The following SH3PXD2A variants were observed in gnomAD, a reference collection of about 807,000 sequenced individuals.
The protein encoded by SH3PXD2A is SH3 and PX domains 2A.
In SH3PXD2A, 32 loss-of-function variants were observed where a neutral mutation model predicts 115.2. The observed-to-expected ratio is 0.28, with a 90% CI of 0.21 to 0.37. SH3PXD2A has a LOEUF of 0.37. Among genes scored for constraint, SH3PXD2A ranks in the 10% least tolerant of loss-of-function variants. The pLI is 1.00. For synonymous variants in SH3PXD2A, 610 were observed against 629.1 expected (o/e 0.97, Z 0.45); for missense variants, 1,328 against 1,498.7 (o/e 0.89, Z 1.88).
chr10:103,837,956 C>G (rs776995089), intron 1 of SH3PXD2A, among the ~76,000 whole-genome samples: 2 of 152,222 alleles, frequency 1.3e-5, no homozygotes, highest in African/African-American at 4.8e-5. Context: ...GCTGTTTGAA[C>G]AGCCACCGTG....
chr10:103,720,724 TG>T (rs1163739274), intron 5 of SH3PXD2A, among the ~76,000 whole-genome samples: 2 of 152,208 alleles, frequency 1.3e-5, no homozygotes, highest in Non-Finnish European at 2.9e-5. Flanking sequence ...CACAGTCGCC[TG>T]GAAAGGTCCA....
chr10:103,596,148 C>T lies in SH3PXD2A; in HGVS notation c.*5668G>A, dbSNP rs1178302025. 1.3e-5 allele frequency: 2 copies of T among 152,164 alleles called. No homozygotes were observed. Among genetic ancestry groups the T allele is most frequent in the African/African-American group, 2.4e-5 (1 of 41,404 alleles). 9.4% of individuals were successfully genotyped at this position (152,164 alleles called of 1,614,324 possible). ...GGTGCACCGTGAGCAAGTTCTCACC[C>T]CAACCACCTGACCCACCCTCTGAAA... On this transcript the variant is annotated 3_prime_UTR_variant, in exon 15 of 15. Coordinates refer to ENST00000369774, the MANE Select transcript of SH3PXD2A (RefSeq NM_001394015.1).
Position 103,760,683 on chromosome 10 carries a change from C to CT in SH3PXD2A, c.229+6410dup, listed in dbSNP as rs946465729. ...ATATGTAACGAGGGAAAGATGAATA[C>CT]TTTTTTTTTAATCAAAAGAGAGCTG... On this transcript the variant is annotated intron_variant, in intron 3 of 14. Transcript: ENST00000369774. Among the ~76,000 whole-genome samples, 12 of 150,170 alleles carry CT rather than the reference C, an allele frequency of 8.0e-5. No homozygotes were observed. In the South Asian group the frequency reaches 8.4e-4, roughly 11 times the overall value.
chr10:103,663,503 C>G (rs1456962148), intron 7 of SH3PXD2A, among the ~76,000 whole-genome samples: 4 of 152,242 alleles, frequency 2.6e-5, no homozygotes, highest in African/African-American at 9.6e-5. Context: ...TCTTCTAGCA[C>G]AGTAATCCTC....
chr10:103,658,712 A>G (rs1415870376), intron 8 of SH3PXD2A, among the ~76,000 whole-genome samples: 1 of 152,200 alleles, frequency 6.6e-6, no homozygotes, highest in Non-Finnish European at 1.5e-5. Context: ...TAAAGATACG[A>G]AACTCCCAGA....
chr10:103,679,818 G>A (rs1272062037), intron 6 of SH3PXD2A, among the ~76,000 whole-genome samples: 2 of 152,150 alleles, frequency 1.3e-5, no homozygotes, highest in African/African-American at 4.8e-5. Context: ...TGACCCTCCA[G>A]CTGGGAAGTT....
intron 5 of SH3PXD2A, among the ~76,000 whole-genome samples, chr10:103,696,142 G>C (rs1371174857): frequency 6.6e-6 from 1 of 152,240 alleles, no homozygotes; most frequent in Non-Finnish European, 1.5e-5. Context: ...GGTCCTGGCA[G>C]TGGGGGTCAC....
chr10:103,641,626 T>C (rs2036956787), intron 8 of SH3PXD2A, among the ~76,000 whole-genome samples: 1 of 152,170 alleles, frequency 6.6e-6, no homozygotes, highest in Non-Finnish European at 1.5e-5. Context: ...CAAATTCCCA[T>C]CTGACAGATG....
At chr10:103,659,251 G>T (rs2037256134) in intron 8 of SH3PXD2A, among the ~76,000 whole-genome samples, 1 of 152,164 alleles carries the variant, frequency 6.6e-6, no homozygotes, top group Non-Finnish European at 1.5e-5. Flanking sequence ...CTGGCCAGTG[G>T]CTGGCAGCCC....
At chr10:103,832,974 T>A (rs1262685029) in intron 1 of SH3PXD2A, among the ~76,000 whole-genome samples, 1 of 152,214 alleles carries the variant, frequency 6.6e-6, no homozygotes, top group Non-Finnish European at 1.5e-5. Context: ...CACATTGTTT[T>A]CCAAAGTGGT....
intron 3 of SH3PXD2A, among the ~76,000 whole-genome samples, chr10:103,740,886 G>A (rs1223562967): frequency 6.6e-6 from 1 of 152,170 alleles, no homozygotes; most frequent in African/African-American, 2.4e-5. Context: ...GCTGGGCTCT[G>A]TTCCAGGCGC....
intron 6 of SH3PXD2A, among the ~76,000 whole-genome samples, chr10:103,690,081 T>C (rs978474011): frequency 6.6e-6 from 1 of 152,126 alleles, no homozygotes; most frequent in Non-Finnish European, 1.5e-5. Context: ...AAGGACTGTG[T>C]GTGGGCAGTC....
At chr10:103,723,355 T>C (rs1056938557) in intron 5 of SH3PXD2A, among the ~76,000 whole-genome samples, 1 of 152,174 alleles carries the variant, frequency 6.6e-6, no homozygotes, top group African/African-American at 2.4e-5. Flanking sequence ...CTCCCTGCCT[T>C]CTGCCCACCA....
At chr10:103,721,100 G>A (rs1256792707) in intron 5 of SH3PXD2A, among the ~76,000 whole-genome samples, 1 of 152,234 alleles carries the variant, frequency 6.6e-6, no homozygotes, top group African/African-American at 2.4e-5. Flanking sequence ...GCGGCCAAAT[G>A]CTTCACAGCC....
intron 8 of SH3PXD2A, among the ~76,000 whole-genome samples, chr10:103,631,113 A>C (rs2036773342): frequency 6.6e-6 from 1 of 152,120 alleles, no homozygotes; most frequent in African/African-American, 2.4e-5. Flanking sequence ...AAAAATTTTA[A>C]AATTAGCCGT....
At chr10:103,826,608 C>T (rs568016182) in intron 1 of SH3PXD2A, among the ~76,000 whole-genome samples, 8 of 152,190 alleles carry the variant, frequency 5.3e-5, no homozygotes, top group Non-Finnish European at 1.0e-4. Flanking sequence ...ACTGGCTGTC[C>T]ATGCTAGAAT....
rs112743393 is a variant in SH3PXD2A at position 103,668,567 on chromosome 10, AAC to A, written c.472+39_472+40del. The A allele has an allele frequency of 1.7e-3, 2,638 of 1,530,964 alleles. 35 individuals carry two copies. The African/African-American group carries it at 0.032, about 19-fold the overall frequency. 94.8% of individuals were successfully genotyped at this position (1,530,964 alleles called of 1,614,324 possible). The stretch of plus-strand genomic sequence containing the variant: ...CCGGCTCCCGCGCACACGGACCTGG[AAC>A]ACACATGCTCACACACATGCATGCA... On this transcript the variant is annotated intron_variant, in intron 7 of 14. Transcript: ENST00000369774.
In SH3PXD2A at chr10:103,596,970, A is replaced by G. The variant is rs534860551; in HGVS notation, c.*4846T>C. On this transcript the variant is annotated 3_prime_UTR_variant, in exon 15 of 15. Coordinates refer to ENST00000369774, the MANE Select transcript of SH3PXD2A (RefSeq NM_001394015.1). Reference sequence around the variant, plus strand: ...TGTCACCTTGAGGGGCAGAGCTCTGAGGCTCCAACCCAGAGGAAACTTCCC... The same window carrying G: ...TGTCACCTTGAGGGGCAGAGCTCTGGGGCTCCAACCCAGAGGAAACTTCCC... 8.5e-5 allele frequency: 13 copies of G among 152,724 alleles called. No homozygotes were observed. The highest frequency in any genetic ancestry group is 4.6e-4 in the Admixed American group (7 of 15,288). The allele number at this position is 152,724 out of a possible 1,614,324, so 9.5% of individuals were successfully genotyped here.
intron 6 of SH3PXD2A, among the ~76,000 whole-genome samples, chr10:103,680,824 C>G (rs1259751462): frequency 6.6e-6 from 1 of 152,104 alleles, no homozygotes; most frequent in Non-Finnish European, 1.5e-5. Flanking sequence ...TTTCACACTT[C>G]GAAACAGACC....
Sources: allele counts gnomAD v4.1 joint callset (sites outside exome capture counted in the v4.1 genomes callset), GRCh38; gene constraint gnomAD v4.1.1; transcripts MANE v1.5; gene names NCBI Gene and HGNC (gene_info 2026-07-23, HGNC 2026-07-21).